The following LRRC3C variants were observed in gnomAD, a reference collection of about 807,000 sequenced individuals.
LRRC3C encodes the protein leucine-rich repeat-containing protein 3C.
In LRRC3C, 11 loss-of-function variants were observed where a neutral mutation model predicts 14.8. That is an observed-to-expected ratio of 0.74 (90% CI 0.47 to 1.23). The LOEUF (loss-of-function observed/expected upper bound fraction) is 1.23. LRRC3C is among the 50% of genes most tolerant of loss of function. LRRC3C has a pLI of 0.00. For missense variants in LRRC3C, 354 were observed against 361.8 expected (o/e 0.98, Z 0.18); for synonymous variants, 149 against 161.5 (o/e 0.92, Z 0.59).
At chr17:39,933,696 GCA>G (rs1345206337) in intron 1 of LRRC3C, among the ~76,000 whole-genome samples, 1 of 152,044 alleles carries the variant, frequency 6.6e-6, no homozygotes, top group African/African-American at 2.4e-5. Flanking sequence ...TGGCGCCACA[GCA>G]CTCCAGCCTG....
In LRRC3C at chr17:39,944,200, C is replaced by T. The variant is rs1450828074; in HGVS notation, c.294C>T (p.Ala98=). The change falls in exon 4 of 4, where the codon GCC becomes GCT. Residue 98 remains alanine, a synonymous_variant. Coordinates refer to ENST00000377924, the MANE Select transcript of LRRC3C (RefSeq NM_001195545.2). The part of the protein sequence containing the change: ...ANQLASVPAG[A]FQHLPVLEEL... Reference sequence around the variant, plus strand: ...AGCTGGCATCGGTGCCTGCTGGTGCCTTCCAGCACCTGCCTGTCCTGGAGG... The same window carrying T: ...AGCTGGCATCGGTGCCTGCTGGTGCTTTCCAGCACCTGCCTGTCCTGGAGG... 1 of 1,536,012 alleles carries T rather than the reference C, an allele frequency of 6.5e-7. No homozygotes were observed. The highest frequency in any genetic ancestry group is 2.4e-5 in the East Asian group (1 of 40,930).
intron 2 of LRRC3C, among the ~76,000 whole-genome samples, chr17:39,937,192 T>C (rs1246247706): frequency 1.3e-5 from 2 of 151,718 alleles, no homozygotes; most frequent in African/African-American, 4.9e-5. Flanking sequence ...TCCCAGCACC[T>C]TGGGAGGCCA....
intron 1 of LRRC3C, among the ~76,000 whole-genome samples, 161 bp from the exon 2 acceptor site, chr17:39,935,641 G>A (rs571009377): frequency 4.6e-5 from 7 of 151,992 alleles, no homozygotes; most frequent in Non-Finnish European, 7.4e-5. Flanking sequence ...ATGACAGAAC[G>A]AGACCTGTCT....
At chr17:39,928,545 T>C (rs9894164) in intron 1 of LRRC3C, among the ~76,000 whole-genome samples, 6,684 of 152,362 alleles carry the variant, frequency 0.044, 476 homozygotes, top group African/African-American at 0.15. Context: ...TTGAACTAAA[T>C]GGCTCTTGAG....
Position 39,944,708 on chromosome 17 carries a change from TC to T in LRRC3C, c.804del (p.Ser269ProfsTer54). The T allele has an allele frequency of 1.3e-6, 2 of 1,535,762 alleles. No homozygotes were observed. The highest frequency in any genetic ancestry group is 1.7e-6 in the Non-Finnish European group (2 of 1,146,806). On this transcript the variant is annotated frameshift_variant, in exon 4 of 4. Coordinates refer to ENST00000377924, the MANE Select transcript of LRRC3C (RefSeq NM_001195545.2). LOFTEE classifies it high-confidence loss of function. ...AGTGCTGCCCGTGCGTTCCGAGGAC[TC>T]CTCCATCCTCAGCACAGTGGTCTGA... ...APVLPVRSEDSSILSTVV is the reference protein window; with the variant it reads ...APVLPVRSEDXSILSTVV
intron 1 of LRRC3C, among the ~76,000 whole-genome samples, chr17:39,935,262 A>T (rs185089451): frequency 3.6e-4 from 54 of 148,082 alleles, no homozygotes; most frequent in Admixed American, 8.1e-4. Context: ...CATCTGATGG[A>T]CTCCTATACA....
chr17:39,939,667 T>C (rs1475255433), intron 2 of LRRC3C: 1 of 152,326 alleles, frequency 6.6e-6, no homozygotes, highest in East Asian at 1.9e-4. Context: ...AAATCCTCAC[T>C]GAATGAATAA....
intron 1 of LRRC3C, chr17:39,929,284 G>A (rs772284180): frequency 6.6e-6 from 1 of 152,168 alleles, no homozygotes; most frequent in Non-Finnish European, 1.5e-5. Flanking sequence ...CTGAGTCCAC[G>A]TCTCAAATAA....
intron 3 of LRRC3C, among the ~76,000 whole-genome samples, chr17:39,943,476 C>T (rs1351822594): frequency 6.6e-6 from 1 of 152,204 alleles, no homozygotes; most frequent in Non-Finnish European, 1.5e-5. Flanking sequence ...GATGCCCTGA[C>T]ACCCTGTCGC....
intron 1 of LRRC3C, among the ~76,000 whole-genome samples, chr17:39,933,728 G>C (rs1161577284): frequency 6.6e-6 from 1 of 151,864 alleles, no homozygotes; most frequent in Non-Finnish European, 1.5e-5. Flanking sequence ...GCAAGACTCC[G>C]TCTCAAAAAA....
chr17:39,944,385 A>G lies in LRRC3C; in HGVS notation c.479A>G (p.Asn160Ser). ...GLQIQVNLSA[N>S]PWHCDCALQE... is the part of the protein sequence containing the mutation. ...CAGATCCAAGTGAACCTATCCGCAA[A>G]CCCATGGCACTGTGACTGCGCCCTC... The change falls in exon 4 of 4, where the codon AAC (asparagine) becomes AGC (serine). Residue 160 changes from asparagine (N) to serine (S), a missense_variant. Coordinates refer to ENST00000377924, the MANE Select transcript of LRRC3C (RefSeq NM_001195545.2). 1 of 1,521,066 alleles carries G rather than the reference A, an allele frequency of 6.6e-7. No individual in the cohort carries two copies. Among genetic ancestry groups the G allele is most frequent in the Non-Finnish European group, 8.8e-7 (1 of 1,139,674 alleles). 94.2% of individuals were successfully genotyped at this position (1,521,066 alleles called of 1,614,324 possible). A position where few individuals can be genotyped will look rare whatever the true frequency, so the allele number is the denominator to read the frequency against.
intron 1 of LRRC3C, among the ~76,000 whole-genome samples, chr17:39,934,293 G>A (rs996209921): frequency 5.3e-5 from 8 of 152,180 alleles, no homozygotes; most frequent in Non-Finnish European, 7.4e-5. Flanking sequence ...ATGAACAAAA[G>A]CAGTTAGAAA....
intron 2 of LRRC3C, chr17:39,939,270 C>T: frequency 1.3e-6 from 1 of 776,084 alleles, no homozygotes; most frequent in Non-Finnish European, 1.6e-6. Context: ...GTGTGTTAAT[C>T]TGGTAGTAGG....
rs879902983 is a variant in LRRC3C at position 39,944,848 on chromosome 17, A to C, written c.*114A>C. 4.3e-4 allele frequency: 312 copies of C among 725,724 alleles called. No homozygotes were observed. Among genetic ancestry groups the C allele is most frequent in the African/African-American group, 2.6e-3 (92 of 34,888 alleles). The allele number at this position is 725,724 out of a possible 1,614,324, so 45.0% of individuals were successfully genotyped here. ...TCACCCCTGCCCCCAAGCCCATCCCACCCCTCCCTCCTTTATTCCCCCTAA... is the reference window on the plus strand; with the variant it reads ...TCACCCCTGCCCCCAAGCCCATCCCCCCCCTCCCTCCTTTATTCCCCCTAA... On this transcript the variant is annotated 3_prime_UTR_variant, in exon 4 of 4. Coordinates refer to ENST00000377924, the MANE Select transcript of LRRC3C (RefSeq NM_001195545.2).
At chr17:39,933,944 TGTG>T in intron 1 of LRRC3C, among the ~76,000 whole-genome samples, 1 of 152,186 alleles carries the variant, frequency 6.6e-6, no homozygotes, top group African/African-American at 2.4e-5. Flanking sequence ...ACCCCAGGCA[TGTG>T]GTGGGAAGAA....
chr17:39,944,230 G>T lies in LRRC3C; in HGVS notation c.324G>T (p.Leu108Phe). 1 of 1,535,722 alleles carries T rather than the reference G, an allele frequency of 6.5e-7. No homozygotes were observed. The highest frequency in any genetic ancestry group is 8.7e-7 in the Non-Finnish European group (1 of 1,146,736). ...AGCACCTGCCTGTCCTGGAGGAGTT[G>T]GATCTGTCCCATAATGCCCTTGCCC... ...AFQHLPVLEE[L>F]DLSHNALAHL... Residue 108 changes from leucine to phenylalanine, a missense_variant, in exon 4 of 4, where the codon TTG becomes TTT. Coordinates refer to ENST00000377924, the MANE Select transcript of LRRC3C (RefSeq NM_001195545.2).
chr17:39,931,698 G>A (rs1701876420), intron 1 of LRRC3C, among the ~76,000 whole-genome samples: 1 of 138,074 alleles, frequency 7.2e-6, no homozygotes, highest in Admixed American at 7.8e-5. Flanking sequence ...CACCCAGGCT[G>A]GAGCACAGTG....
chr17:39,941,951 A>G (rs1403303785), intron 3 of LRRC3C, among the ~76,000 whole-genome samples: 2 of 152,130 alleles, frequency 1.3e-5, no homozygotes, highest in African/African-American at 4.8e-5. Flanking sequence ...GGATGGTGCC[A>G]TAGGAGGCAC....
intron 1 of LRRC3C, among the ~76,000 whole-genome samples, chr17:39,934,236 A>T (rs2144760971): frequency 6.6e-6 from 1 of 152,310 alleles, no homozygotes; most frequent in East Asian, 1.9e-4. Flanking sequence ...TACCTTAGGA[A>T]CCCTTCAACC....
Sources: gnomAD v4.1 joint callset for allele counts (sites outside exome capture counted in the v4.1 genomes callset) on GRCh38, gnomAD v4.1.1 for gene constraint, MANE v1.5 for transcripts, NCBI Gene and HGNC (gene_info 2026-07-23, HGNC 2026-07-21) for gene names.